BIRC6: variants seen among roughly 807,000 people sequenced by gnomAD.
BIRC6 encodes baculoviral IAP repeat containing 6.
A neutral mutation model predicts 503.3 loss-of-function variants in BIRC6; 98 were observed. The observed-to-expected ratio is 0.19, with a 90% CI of 0.17 to 0.23. The LOEUF (loss-of-function observed/expected upper bound fraction) is 0.23, where lower values mean the gene tolerates loss of function less well. Ranked by LOEUF, BIRC6 falls within the 10% of genes least tolerant of loss-of-function variation. The probability of loss-of-function intolerance (pLI) is 1.00; values close to 1 mark genes in which losing one functional copy is unlikely to be tolerated. For missense variants in BIRC6, 5,360 were observed against 5,806.0 expected (o/e 0.92, Z 2.50); for synonymous variants, 2,240 against 2,078.7 (o/e 1.08, Z -2.11).
chr2:32,518,277 A>C lies in BIRC6; in HGVS notation c.11373A>C (p.Thr3791=). The part of the protein sequence containing the change: ...MAQVLCELFQ[T]SPQRGNLPTS... ...AGGTTCTTTGTGAACTATTTCAGACATCTCCTCAAAGAGGGAACCTTCCAA... is the reference window on the plus strand; with the variant it reads ...AGGTTCTTTGTGAACTATTTCAGACCTCTCCTCAAAGAGGGAACCTTCCAA... Residue 3791 remains threonine, a synonymous_variant, in exon 56 of 74, where the codon ACA becomes ACC. Transcript: ENST00000421745. The C allele has an allele frequency of 6.2e-7, 1 of 1,613,264 alleles. No individual in the cohort carries two copies. The highest frequency in any genetic ancestry group is 2.2e-5 in the East Asian group (1 of 44,790).
At chr2:32,556,360 T>C (rs2058777758) in intron 65 of BIRC6, among the ~76,000 whole-genome samples, 1 of 152,202 alleles carries the variant, frequency 6.6e-6, no homozygotes, top group Non-Finnish European at 1.5e-5. Flanking sequence ...TCTCAGACAC[T>C]TCAGGGATAC....
At chr2:32,503,665 A>T (rs1429724571) in intron 49 of BIRC6, among the ~76,000 whole-genome samples, 1 of 151,492 alleles carries the variant, frequency 6.6e-6, no homozygotes, top group Non-Finnish European at 1.5e-5. Context: ...CCAGTGATCC[A>T]CCTGCCTCGG....
At position 32,500,594 on chromosome 2, in the gene BIRC6, G is replaced by A. The variant is rs796454994; in HGVS notation, c.9031+485G>A. ...GCCACCATGCCCCTGCTAGTTTTTT[G>A]TTTTTGTTTTTGTTTTTTTTTTTTT... On this transcript the variant is annotated intron_variant, in intron 46 of 73. Coordinates refer to ENST00000421745, the MANE Select transcript of BIRC6 (RefSeq NM_016252.4). Among the ~76,000 whole-genome samples the A allele has an allele frequency of 9.1e-5, 10 of 110,138 alleles. No homozygotes were observed. In the East Asian group the frequency reaches 3.6e-3, roughly 39 times the overall value. 72.3% of individuals were successfully genotyped at this position (110,138 alleles called of 152,430 possible).
Position 32,488,680 on chromosome 2 carries a change from T to A in BIRC6, c.8061T>A (p.Asn2687Lys), listed in dbSNP as rs1293516831. The change falls in exon 42 of 74, where the codon AAT becomes AAA. Residue 2687 changes from asparagine to lysine, a missense_variant. By Grantham distance (94) the Asn-to-Lys change is moderately conservative. Around this residue, in one of 16 missense-constraint regions of BIRC6, gnomAD observed 2,299 missense variants for 2,267.2 expected, o/e 1.01. Coordinates refer to ENST00000421745, the MANE Select transcript of BIRC6 (RefSeq NM_016252.4). The stretch of plus-strand genomic sequence containing the variant: ...ATGGAGCAGACATATTTTTATATAA[T>A]GCTAATAGGATACCTGTTATTTCAT... ...KENGADIFLYNANRIPVISLN... is the reference protein window; with the variant it reads ...KENGADIFLYKANRIPVISLN... 1.4e-6 allele frequency: 2 copies of A among 1,464,544 alleles called. No homozygotes were observed. The highest frequency in any genetic ancestry group is 1.9e-6 in the Non-Finnish European group (2 of 1,074,314). The allele number at this position is 1,464,544 out of a possible 1,614,324, so 90.7% of individuals were successfully genotyped here.
At chr2:32,361,118 A>G (rs2034010413) in intron 1 of BIRC6, among the ~76,000 whole-genome samples, 1 of 151,902 alleles carries the variant, frequency 6.6e-6, no homozygotes, top group South Asian at 2.1e-4. Flanking sequence ...TATTTTTAGT[A>G]GAGACAGGGT....
At chr2:32,477,905 T>G (rs951483869) in intron 35 of BIRC6, among the ~76,000 whole-genome samples, 1 of 152,198 alleles carries the variant, frequency 6.6e-6, no homozygotes, top group Non-Finnish European at 1.5e-5. Context: ...AAATTTTTCC[T>G]TAAGGAAATC....
rs1456995768 is a variant in BIRC6 at position 32,357,075 on chromosome 2, C to T, written c.-87C>T. 3.6e-5 allele frequency: 44 copies of T among 1,233,254 alleles called. No homozygotes were observed. Among genetic ancestry groups the T allele is most frequent in the Non-Finnish European group, 3.9e-5 (36 of 934,170 alleles). The allele number at this position is 1,233,254 out of a possible 1,614,324, so 76.4% of individuals were successfully genotyped here. On this transcript the variant is annotated 5_prime_UTR_variant, in exon 1 of 74. Coordinates refer to ENST00000421745, the MANE Select transcript of BIRC6 (RefSeq NM_016252.4). The surrounding 1 kb of genome is among the most constrained non-coding windows in gnomAD (Gnocchi z 4.9). ...GTCAGCCTCCCTCCGAGTTTGGCCC[C>T]TCCGGCCGGGCGATCGACGTTCCGC...
At chr2:32,484,422 C>T (rs180786668) in intron 39 of BIRC6, among the ~76,000 whole-genome samples, 6 of 151,780 alleles carry the variant, frequency 4.0e-5, no homozygotes, top group Non-Finnish European at 5.9e-5. Context: ...GACATGGTGG[C>T]GGGTACCTGT....
At chr2:32,409,063 T>A (rs1454543622) in intron 9 of BIRC6, among the ~76,000 whole-genome samples, 1 of 152,192 alleles carries the variant, frequency 6.6e-6, no homozygotes, top group East Asian at 1.9e-4. Context: ...TCAGAGCATA[T>A]CCAATTTGGT....
chr2:32,432,640 G>T (rs1478690661), intron 12 of BIRC6, among the ~76,000 whole-genome samples: 2 of 151,644 alleles, frequency 1.3e-5, no homozygotes, highest in African/African-American at 4.8e-5. Context: ...TGTGCCTGTG[G>T]TCCCAGATAC....
chr2:32,386,109 A>G (rs933244537), intron 3 of BIRC6, among the ~76,000 whole-genome samples: 1 of 152,178 alleles, frequency 6.6e-6, no homozygotes, highest in African/African-American at 2.4e-5. Context: ...GATCTGCAGG[A>G]TGTTAGGATG....
At chr2:32,546,952 A>G (rs2058093512) in intron 63 of BIRC6, among the ~76,000 whole-genome samples, 3 of 151,844 alleles carry the variant, frequency 2.0e-5, no homozygotes, top group Admixed American at 1.3e-4. Context: ...GGTGGCTCAC[A>G]CCTATATTCC....
intron 61 of BIRC6, among the ~76,000 whole-genome samples, chr2:32,540,571 A>T (rs1281784996): frequency 2.0e-5 from 3 of 152,098 alleles, no homozygotes; most frequent in African/African-American, 7.2e-5. Context: ...AAAATGTGAA[A>T]TAATACAAGT....
At chr2:32,518,969 T>G in intron 57 of BIRC6, 23 bp downstream of exon 57, 1 of 1,605,320 alleles carries the variant, frequency 6.2e-7, no homozygotes, top group Non-Finnish European at 8.5e-7. Context: ...TAAGTATTAG[T>G]TTTTGTTTAA....
intron 26 of BIRC6, among the ~76,000 whole-genome samples, 193 bp from the exon 27 acceptor site, chr2:32,467,332 A>G (rs2048666450): frequency 6.6e-6 from 1 of 152,176 alleles, no homozygotes; most frequent in South Asian, 2.1e-4. Context: ...GGGGTTCAAA[A>G]CTAACACAGA....
chr2:32,513,856 C>G (rs1030573798), intron 54 of BIRC6, among the ~76,000 whole-genome samples: 1 of 151,902 alleles, frequency 6.6e-6, no homozygotes, highest in East Asian at 1.9e-4. Context: ...TTGCAGTGTG[C>G]TAAGATTGCA....
At chr2:32,593,302 A>G (rs2061494009) in intron 66 of BIRC6, among the ~76,000 whole-genome samples, 1 of 152,198 alleles carries the variant, frequency 6.6e-6, no homozygotes, top group African/African-American at 2.4e-5. Context: ...GTAATGTCCT[A>G]TATACTTAAA....
rs942519478 is a variant in BIRC6, at chr2:32,464,493, T to C, written c.4942-16T>C. On this transcript the variant is annotated splice_polypyrimidine_tract_variant and intron_variant, in intron 24 of 73. Transcript: ENST00000421745. The stretch of plus-strand genomic sequence containing the variant: ...GCAGGATTAGTCTATATATGTTGCT[T>C]TTACTTCTTTTGCAGAAAGCAAAGC... The C allele has an allele frequency of 1.2e-5, 18 of 1,547,790 alleles. No homozygotes were observed. The highest frequency in any genetic ancestry group is 1.6e-5 in the Non-Finnish European group (18 of 1,144,580).
intron 8 of BIRC6, among the ~76,000 whole-genome samples, chr2:32,405,505 C>G (rs1010150990): frequency 5.9e-5 from 9 of 152,110 alleles, no homozygotes; most frequent in African/African-American, 2.2e-4. Flanking sequence ...ACTTCATATT[C>G]TGTATAAAAT....
Sources: allele counts gnomAD v4.1 joint callset (sites outside exome capture counted in the v4.1 genomes callset), GRCh38; gene constraint gnomAD v4.1.1; regional missense constraint gnomAD v4.1.1; non-coding constraint Gnocchi (gnomAD v3.1); transcripts MANE v1.5; gene names NCBI Gene and HGNC (gene_info 2026-07-23, HGNC 2026-07-21).